The following UGT1A4 variants were observed in gnomAD, a reference collection of about 807,000 sequenced individuals.
The protein encoded by UGT1A4 is UDP glucuronosyltransferase family 1 member A4.
UGT1A4 carries 32 observed loss-of-function variants against 41.1 expected under a neutral mutation model. The ratio of observed to expected loss-of-function variants is 0.78; its 90% CI spans 0.59 to 1.05. The LOEUF (loss-of-function observed/expected upper bound fraction) is 1.05, where lower values mean the gene tolerates loss of function less well. UGT1A4 is among the 50% of genes least tolerant of loss of function. The probability of loss-of-function intolerance (pLI) is 0.00; values close to 1 mark genes in which losing one functional copy is unlikely to be tolerated. For synonymous variants in UGT1A4, 283 were observed against 265.1 expected, an observed-to-expected ratio of 1.07 and a Z score of -0.66; for missense variants, 748 against 677.4, an observed-to-expected ratio of 1.10 and a Z score of -1.16.
intron 1 of UGT1A4, among the ~76,000 whole-genome samples, chr2:233,751,757 T>C (rs763533308): frequency 6.6e-6 from 1 of 152,222 alleles, no homozygotes; most frequent in Non-Finnish European, 1.5e-5. Flanking sequence ...CTTGCTGCCA[T>C]GTGAGACATG....
At chr2:233,755,509 C>G (rs143373661) in intron 1 of UGT1A4, 6,563 of 166,164 alleles carry the variant, frequency 0.039, 278 homozygotes, top group Middle Eastern at 0.048. Flanking sequence ...GACCAGGCCC[C>G]GCCCACTCCG....
Position 233,754,885 on chromosome 2 carries a change from A to G in UGT1A4, c.868-12149A>G, listed in dbSNP as rs750655652. Reference sequence around the variant, plus strand: ...GACCCTCTGCTTCTGCTTCCCAGGGAGTTCCTCTGACCCCCCAAAATATTC... The same window carrying G: ...GACCCTCTGCTTCTGCTTCCCAGGGGGTTCCTCTGACCCCCCAAAATATTC... On this transcript the variant is annotated intron_variant, in intron 1 of 4. Coordinates refer to ENST00000373409, the MANE Select transcript of UGT1A4 (RefSeq NM_007120.3). The G allele has an allele frequency of 3.0e-6, 4 of 1,350,732 alleles. No individual in the cohort carries two copies. In the African/African-American group the frequency reaches 5.9e-5, roughly 20 times the overall value. 83.7% of individuals were successfully genotyped at this position (1,350,732 alleles called of 1,614,324 possible). A position where few individuals can be genotyped will look rare whatever the true frequency, so the allele number is the denominator to read the frequency against.
At chr2:233,771,833 T>G (rs1411315562) in intron 4 of UGT1A4, among the ~76,000 whole-genome samples, 1 of 137,650 alleles carries the variant, frequency 7.3e-6, no homozygotes, top group Non-Finnish European at 1.6e-5. Flanking sequence ...CCTTCCCTCC[T>G]TCTCTTCCTT....
At chr2:233,726,906 T>G (rs1286190236) in intron 1 of UGT1A4, among the ~76,000 whole-genome samples, 2 of 152,198 alleles carry the variant, frequency 1.3e-5, no homozygotes, top group Non-Finnish European at 2.9e-5. Flanking sequence ...TTCAATTATC[T>G]CCTTTTTTCC....
chr2:233,719,562 C>A lies in UGT1A4; in HGVS notation c.742C>A (p.Leu248Ile), dbSNP rs1164668665. 16 of 1,613,782 alleles carry A rather than the reference C, an allele frequency of 9.9e-6. No homozygotes were observed. Among genetic ancestry groups the A allele is most frequent in the African/African-American group, 1.3e-5 (1 of 74,896 alleles). The change falls in exon 1 of 5, where the codon CTT becomes ATT. Residue 248 changes from leucine (L) to isoleucine (I), a missense_variant. Leu to Ile is a conservative substitution (Grantham distance 5). Coordinates refer to ENST00000373409, the MANE Select transcript of UGT1A4 (RefSeq NM_007120.3). ...TCAGAGAGAGGTGTCAGTGGTGGAT[C>A]TTGTCAGCTATGCATCCGTGTGGCT... Reference protein sequence around the residue: ...LFQREVSVVDLVSYASVWLFR... With the variant: ...LFQREVSVVDIVSYASVWLFR...
intron 1 of UGT1A4, among the ~76,000 whole-genome samples, chr2:233,732,351 ATGAAGTCC>A: frequency 6.6e-6 from 1 of 152,222 alleles, no homozygotes; most frequent in Non-Finnish European, 1.5e-5. Flanking sequence ...TGTTTTAGTC[ATGAAGTCC>A]TGGCCCATGC....
intron 1 of UGT1A4, among the ~76,000 whole-genome samples, chr2:233,742,165 C>A (rs1314313900): frequency 2.0e-5 from 3 of 151,916 alleles, no homozygotes; most frequent in Non-Finnish European, 2.9e-5. Context: ...AAGACACACA[C>A]ACAGAAATAT....
chr2:233,753,368 C>G (rs1222809761), intron 1 of UGT1A4: 1 of 152,204 alleles, frequency 6.6e-6, no homozygotes, highest in Non-Finnish European at 1.5e-5. Context: ...GGGTGCCATT[C>G]CATGCAGATT....
intron 1 of UGT1A4, chr2:233,743,980 G>A (rs1692624028): frequency 1.2e-5 from 15 of 1,302,748 alleles, no homozygotes; most frequent in African/African-American, 1.5e-5. Flanking sequence ...CCAGCACCCA[G>A]GCGCAGGCCC....
rs548391374 is a variant in UGT1A4 at position 233,743,280 on chromosome 2, T to C, written c.867+23593T>C. The C allele has an allele frequency of 1.0e-5, 5 of 493,342 alleles. No homozygotes were observed. In the East Asian group the frequency reaches 3.5e-4, roughly 34 times the overall value. The allele number at this position is 493,342 out of a possible 1,614,324, so 30.6% of individuals were successfully genotyped here. The stretch of plus-strand genomic sequence containing the variant: ...CATCTTCCTCCACTTCCACCCTTTC[T>C]TGGCCATTCTCAATGATTCTCTTGG... On this transcript the variant is annotated intron_variant, in intron 1 of 4. Coordinates refer to ENST00000373409, the MANE Select transcript of UGT1A4 (RefSeq NM_007120.3).
chr2:233,748,146 T>TAA, intron 1 of UGT1A4: 1 of 1,606,298 alleles, frequency 6.2e-7, no homozygotes, highest in Non-Finnish European at 8.5e-7. Flanking sequence ...TGTATTTACT[T>TAA]ACAATTGCTT....
At chr2:233,748,111 T>C (rs1693869391) in intron 1 of UGT1A4, 3 of 1,612,162 alleles carry the variant, frequency 1.9e-6, no homozygotes, top group Non-Finnish European at 2.5e-6. Flanking sequence ...CAATCAATGT[T>C]CCAGGCAAAA....
chr2:233,754,785 C>T, intron 1 of UGT1A4: 1 of 1,177,776 alleles, frequency 8.5e-7, no homozygotes, highest in Non-Finnish European at 1.2e-6. Context: ...GCCAAAGGAA[C>T]GAAATCCTGT....
In UGT1A4 at chr2:233,718,918, T is replaced by C. The variant is rs778450561; in HGVS notation, c.98T>C (p.Val33Ala). The change falls in exon 1 of 5, where the codon GTG (valine) becomes GCG (alanine). Residue 33 changes from valine to alanine, a missense_variant. Physicochemically the swap from Val to Ala is moderately conservative, Grantham distance 64. Transcript: ENST00000373409. Reference protein sequence around the residue: ...QPWAESGKVLVVPTDGSPWLS... With the variant: ...QPWAESGKVLAVPTDGSPWLS... ...TGGGCTGAGAGTGGAAAGGTGTTGG[T>C]GGTGCCCACTGATGGCAGCCCCTGG... is the stretch of plus-strand genomic sequence containing the variant. The C allele has an allele frequency of 2.5e-6, 4 of 1,614,094 alleles. No individual in the cohort carries two copies. The highest frequency in any genetic ancestry group is 3.4e-6 in the Non-Finnish European group (4 of 1,179,982).
rs1440717664 is a variant in UGT1A4, at chr2:233,718,888, A to G, written c.68A>G (p.Gln23Arg). ...GGACTGCTGCTCCTCCTCAGTGTCC[A>G]GCCCTGGGCTGAGAGTGGAAAGGTG... ...ATGLLLLLSV[Q>R]PWAESGKVLV... is the part of the protein sequence containing the mutation. The change falls in exon 1 of 5, where the codon CAG (glutamine) becomes CGG (arginine). Residue 23 changes from glutamine (Q) to arginine (R), a missense_variant. Physicochemically the swap from Gln to Arg is conservative, Grantham distance 43 (BLOSUM62 1). Coordinates refer to ENST00000373409, the MANE Select transcript of UGT1A4 (RefSeq NM_007120.3). 6.2e-7 allele frequency: 1 copy of G among 1,613,998 alleles called. No individual in the cohort carries two copies. The highest frequency in any genetic ancestry group is 8.5e-7 in the Non-Finnish European group (1 of 1,179,928).
chr2:233,742,523 T>A (rs1692010019), intron 1 of UGT1A4, among the ~76,000 whole-genome samples: 1 of 151,942 alleles, frequency 6.6e-6, no homozygotes, highest in Non-Finnish European at 1.5e-5. Context: ...GTCACAGTGC[T>A]GCAGAGATTT....
Position 233,768,326 on chromosome 2 carries a change from G to A in UGT1A4, c.1194G>A (p.Gln398=), listed in dbSNP as rs1299905562. ...PMVMMPLFGD[Q]MDNAKRMETK... ...TGATGATGCCCTTGTTTGGTGATCAGATGGACAATGCAAAGCGCATGGAGA... is the reference window on the plus strand; with the variant it reads ...TGATGATGCCCTTGTTTGGTGATCAAATGGACAATGCAAAGCGCATGGAGA... The change falls in exon 4 of 5, where the codon CAG becomes CAA. Residue 398 remains glutamine (Q), a synonymous_variant. Transcript: ENST00000373409. 6.2e-7 allele frequency: 1 copy of A among 1,614,204 alleles called. No homozygotes were observed. The highest frequency in any genetic ancestry group is 1.3e-5 in the African/African-American group (1 of 75,056).
At position 233,752,043 on chromosome 2, in the gene UGT1A4, T is replaced by C. The variant is rs1333661781; in HGVS notation, c.868-14991T>C. Among the ~76,000 whole-genome samples the C allele has an allele frequency of 2.0e-5, 3 of 152,216 alleles. No homozygotes were observed. The South Asian group carries it at 6.2e-4, about 32-fold the overall frequency. ...AGAAATTCCTAGAAAGGTAAGCTGT[T>C]GTGTGAATGATTTCCCGAGATGGGG... On this transcript the variant is annotated intron_variant, in intron 1 of 4. Coordinates refer to ENST00000373409, the MANE Select transcript of UGT1A4 (RefSeq NM_007120.3).
chr2:233,752,822 A>T (rs1200323713), intron 1 of UGT1A4, among the ~76,000 whole-genome samples: 1 of 152,248 alleles, frequency 6.6e-6, no homozygotes, highest in East Asian at 1.9e-4. Flanking sequence ...CCCATTTATG[A>T]CATCAGTAAT....
Sources: allele counts gnomAD v4.1 joint callset (sites outside exome capture counted in the v4.1 genomes callset), GRCh38; gene constraint gnomAD v4.1.1; transcripts MANE v1.5; gene names NCBI Gene and HGNC (gene_info 2026-07-23, HGNC 2026-07-21).